Variants in SPINK13 observed in about 807,000 individuals in gnomAD.
SPINK13 encodes the protein serine protease inhibitor Kazal-type 13.
In SPINK13, 11 loss-of-function variants were observed where a neutral mutation model predicts 11.0. The observed-to-expected ratio is 1.00, with a 90% CI of 0.63 to 1.65. The LOEUF is 1.65. Ranked by LOEUF, SPINK13 falls within the 40% of genes most tolerant of loss-of-function variation. The probability of loss-of-function intolerance (pLI) is 0.00; values close to 1 mark genes in which losing one functional copy is unlikely to be tolerated. For synonymous variants in SPINK13, 31 were observed against 35.6 expected (o/e 0.87, Z 0.46); for missense variants, 113 against 117.7 (o/e 0.96, Z 0.19).
At chr5:148,269,888 G>C (rs1581162826) in intron 1 of SPINK13, among the ~76,000 whole-genome samples, 152 bp from the exon 2 acceptor site, 1 of 152,124 alleles carries the variant, frequency 6.6e-6, no homozygotes, top group Admixed American at 6.5e-5. Context: ...AAAGCAAAAG[G>C]GCTCTCTCAG....
chr5:148,269,761 G>C (rs917067684), intron 1 of SPINK13, among the ~76,000 whole-genome samples: 1 of 152,146 alleles, frequency 6.6e-6, no homozygotes, highest in African/African-American at 2.4e-5. Context: ...AATAGACTTT[G>C]AGTCAGCCCT....
At chr5:148,273,735 T>C (rs965602281) in intron 2 of SPINK13, among the ~76,000 whole-genome samples, 2 of 152,248 alleles carry the variant, frequency 1.3e-5, no homozygotes, top group Non-Finnish European at 2.9e-5. Flanking sequence ...TATTCTATGA[T>C]ATTTTAAATA....
rs1365577432 is a variant in SPINK13, at chr5:148,268,832, G to C, written c.-90G>C. On this transcript the variant is annotated 5_prime_UTR_variant, in exon 1 of 5. Coordinates refer to ENST00000398450, the MANE Select transcript of SPINK13 (RefSeq NM_001040129.3). The stretch of plus-strand genomic sequence containing the variant: ...TCCTGGAACAGCAGCTCTTCTCAAG[G>C]CTAGTTGTGACATCCAAAGTGACAA... 6.6e-6 allele frequency: 1 copy of C among 152,650 alleles called. No individual in the cohort carries two copies. The highest frequency in any genetic ancestry group is 1.5e-5 in the Non-Finnish European group (1 of 68,350). The allele number at this position is 152,650 out of a possible 1,614,324, so 9.5% of individuals were successfully genotyped here. A position where few individuals can be genotyped will look rare whatever the true frequency, so the allele number is the denominator to read the frequency against.
intron 3 of SPINK13, among the ~76,000 whole-genome samples, 177 bp downstream of exon 3, chr5:148,274,561 A>C (rs1000338907): frequency 6.6e-6 from 1 of 152,180 alleles, no homozygotes; most frequent in East Asian, 1.9e-4. Context: ...CGGCCTGAGC[A>C]ACATAGGAAG....
intron 2 of SPINK13, among the ~76,000 whole-genome samples, chr5:148,271,670 G>A (rs1270389198): frequency 6.6e-6 from 1 of 152,108 alleles, no homozygotes; most frequent in East Asian, 1.9e-4. Flanking sequence ...TGGAGACGGA[G>A]TCTCACTCTG....
chr5:148,276,946 T>C (rs552935369), intron 3 of SPINK13, among the ~76,000 whole-genome samples: 2 of 152,322 alleles, frequency 1.3e-5, no homozygotes, highest in African/African-American at 2.4e-5. Context: ...TCCTCTCTTA[T>C]TTCCTTGAAC....
intron 2 of SPINK13, among the ~76,000 whole-genome samples, chr5:148,272,914 G>A (rs969206181): frequency 1.3e-5 from 2 of 152,110 alleles, no homozygotes; most frequent in Admixed American, 6.6e-5. Flanking sequence ...TTCTGTAAAT[G>A]CAAATATAGT....
At chr5:148,282,972 G>C (rs1426971061) in intron 4 of SPINK13, among the ~76,000 whole-genome samples, 1 of 152,126 alleles carries the variant, frequency 6.6e-6, no homozygotes, top group Non-Finnish European at 1.5e-5. Flanking sequence ...ACTCAGAAAA[G>C]CTGTTATATT....
intron 4 of SPINK13, among the ~76,000 whole-genome samples, chr5:148,282,456 T>C (rs1756532450): frequency 6.6e-6 from 1 of 152,220 alleles, no homozygotes. Flanking sequence ...AAGGCTTACA[T>C]AATGTTCTGG....
chr5:148,274,926 A>G (rs1756403051), intron 3 of SPINK13, among the ~76,000 whole-genome samples: 1 of 152,196 alleles, frequency 6.6e-6, no homozygotes, highest in Non-Finnish European at 1.5e-5. Flanking sequence ...ATCTCTGATC[A>G]TTAAGTAAAA....
intron 4 of SPINK13, among the ~76,000 whole-genome samples, chr5:148,285,259 G>A (rs986773829): frequency 1.3e-5 from 2 of 152,104 alleles, no homozygotes; most frequent in African/African-American, 4.8e-5. Flanking sequence ...AAGCATTTAT[G>A]TTTGCAATTC....
chr5:148,269,027 T>G (rs1308111404), intron 1 of SPINK13, 139 bp downstream of exon 1: 1 of 152,248 alleles, frequency 6.6e-6, no homozygotes, highest in South Asian at 2.1e-4. Flanking sequence ...GTAGAGAAAA[T>G]GTCACACTTA....
chr5:148,284,478 G>A (rs1756562984), intron 4 of SPINK13, among the ~76,000 whole-genome samples: 1 of 152,160 alleles, frequency 6.6e-6, no homozygotes, highest in East Asian at 1.9e-4. Context: ...TAGCCAATAG[G>A]AGCACAGTTC....
In SPINK13 at chr5:148,275,851, C is replaced by T. The variant is rs187095443; in HGVS notation, c.108+1467C>T. 6.9e-3 allele frequency among the ~76,000 whole-genome samples: 1,042 copies of T among 151,892 alleles called. 14 individuals are homozygous for T. Among genetic ancestry groups the T allele is most frequent in the African/African-American group, 0.02 (812 of 41,470 alleles). ...AATTTTTTGTATTTTTTAGTAGAGACGGGGTTTCACCATGTTAGCCAGGAT... is the reference window on the plus strand; with the variant it reads ...AATTTTTTGTATTTTTTAGTAGAGATGGGGTTTCACCATGTTAGCCAGGAT... On this transcript the variant is annotated intron_variant, in intron 3 of 4. Transcript: ENST00000398450.
Position 148,274,353 on chromosome 5 carries a change from T to C in SPINK13, c.77T>C (p.Phe26Ser). 1.9e-6 allele frequency: 3 copies of C among 1,612,152 alleles called. No homozygotes were observed. The highest frequency in any genetic ancestry group is 2.5e-6 in the Non-Finnish European group (3 of 1,178,434). The change falls in exon 3 of 5, where the codon TTC becomes TCC. Residue 26 changes from phenylalanine (F) to serine (S), a missense_variant. Coordinates refer to ENST00000398450, the MANE Select transcript of SPINK13 (RefSeq NM_001040129.3). The stretch of plus-strand genomic sequence containing the variant: ...GTTTATTCTTTATTAGCAGGAATTT[T>C]CAATAAACGTGACTTCACTAGGTGG... ...TLTHVAFSGIFNKRDFTRWPK... is the reference protein window; with the variant it reads ...TLTHVAFSGISNKRDFTRWPK...
chr5:148,283,964 A>G (rs2113377043), intron 4 of SPINK13, among the ~76,000 whole-genome samples: 1 of 152,320 alleles, frequency 6.6e-6, no homozygotes, highest in African/African-American at 2.4e-5. Context: ...GATCATTCTA[A>G]GATTCCTTTC....
intron 3 of SPINK13, among the ~76,000 whole-genome samples, chr5:148,275,671 T>C (rs1174440659): frequency 2.0e-5 from 3 of 151,674 alleles, no homozygotes; most frequent in Non-Finnish European, 2.9e-5. Context: ...TTTTTCTTTT[T>C]TTTTTTTTTG....
At chr5:148,278,132 T>C in intron 3 of SPINK13, among the ~76,000 whole-genome samples, 1 of 152,206 alleles carries the variant, frequency 6.6e-6, no homozygotes, top group Non-Finnish European at 1.5e-5. Flanking sequence ...CCCTTTATCA[T>C]TTTTTATTGT....
At chr5:148,269,983 C>A in intron 1 of SPINK13, 57 bp from the exon 2 acceptor site, 1 of 1,278,906 alleles carries the variant, frequency 7.8e-7, no homozygotes, top group South Asian at 1.2e-5. Context: ...TGTGTTCTCT[C>A]ACATTGGAAA....
Sources: gnomAD v4.1 joint callset for allele counts (sites outside exome capture counted in the v4.1 genomes callset) on GRCh38, gnomAD v4.1.1 for gene constraint, MANE v1.5 for transcripts, NCBI Gene and HGNC (gene_info 2026-07-23, HGNC 2026-07-21) for gene names.